WHRN: variants seen among roughly 807,000 people sequenced by gnomAD.
The protein encoded by WHRN is CASK-interacting protein CIP98.
WHRN carries 41 observed loss-of-function variants against 68.3 expected under a neutral mutation model. The observed-to-expected ratio is 0.60, with a 90% confidence interval of 0.47 to 0.78. The LOEUF is 0.78. Ranked by LOEUF, WHRN falls within the 30% of genes least tolerant of loss-of-function variation. The pLI is 0.00. For synonymous variants in WHRN, 560 were observed against 561.3 expected, an observed-to-expected ratio of 1.00 and a Z score of 0.03; for missense variants, 1,243 against 1,244.7, an observed-to-expected ratio of 1.00 and a Z score of 0.02.
At chr9:114,457,325 A>C (rs1839890360) in intron 3 of WHRN, among the ~76,000 whole-genome samples, 1 of 152,238 alleles carries the variant, frequency 6.6e-6, no homozygotes. Flanking sequence ...CATGCTGTAA[A>C]GTAAACAAAC....
At chr9:114,502,900 G>A (rs2133453024) in intron 1 of WHRN, among the ~76,000 whole-genome samples, 1 of 152,326 alleles carries the variant, frequency 6.6e-6, no homozygotes, top group Admixed American at 6.5e-5. Context: ...GATTGATAGA[G>A]GGGGAAGAGG....
intron 7 of WHRN, among the ~76,000 whole-genome samples, chr9:114,416,368 C>T (rs1835815344): frequency 6.6e-6 from 1 of 152,228 alleles, no homozygotes; most frequent in Admixed American, 6.5e-5. Context: ...AATGCTTTGG[C>T]TATGTATCCT....
chr9:114,466,194 C>A, intron 3 of WHRN, 73 bp downstream of exon 3: 1 of 1,605,590 alleles, frequency 6.2e-7, no homozygotes, highest in Admixed American at 1.7e-5. Context: ...GATTGCTCTG[C>A]TGGAGGTCTA....
At chr9:114,429,253 C>T (rs1297143624) in intron 3 of WHRN, among the ~76,000 whole-genome samples, 1 of 152,178 alleles carries the variant, frequency 6.6e-6, no homozygotes, top group Admixed American at 6.5e-5. Flanking sequence ...ATTTCATCAA[C>T]TTTTTGCTTT....
At chr9:114,428,268 G>A (rs771221401) in intron 3 of WHRN, among the ~76,000 whole-genome samples, 2 of 152,236 alleles carry the variant, frequency 1.3e-5, no homozygotes, top group African/African-American at 2.4e-5. Context: ...AGAGATTGCA[G>A]TGAGCCGACA....
chr9:114,444,072 G>C lies in WHRN; in HGVS notation c.964-17659C>G, dbSNP rs142147537. Among the ~76,000 whole-genome samples, 550 of 152,258 alleles carry C rather than the reference G, an allele frequency of 3.6e-3. 1 individual carries two copies. The highest frequency in any genetic ancestry group is 0.013 in the African/African-American group (527 of 41,534). ...ATCTCCCACTGGGTCCCTCCCACAGGACACAGGAATTATGGGAGTACAATT... is the reference window on the plus strand; with the variant it reads ...ATCTCCCACTGGGTCCCTCCCACAGCACACAGGAATTATGGGAGTACAATT... On this transcript the variant is annotated intron_variant, in intron 3 of 11. Transcript: ENST00000362057.
chr9:114,426,487 T>C (rs1836873167), intron 3 of WHRN, 74 bp from the exon 4 acceptor site: 1 of 1,544,326 alleles, frequency 6.5e-7, no homozygotes, highest in South Asian at 1.1e-5. Flanking sequence ...ACAGCCCAGA[T>C]CCCAATTCTC....
At chr9:114,416,949 A>G (rs1270568647) in intron 7 of WHRN, among the ~76,000 whole-genome samples, 1 of 152,240 alleles carries the variant, frequency 6.6e-6, no homozygotes, top group African/African-American at 2.4e-5. Flanking sequence ...CCCAGCTGGT[A>G]GGATCCCAGA....
intron 7 of WHRN, among the ~76,000 whole-genome samples, chr9:114,417,301 C>T (rs1479596419): frequency 6.6e-6 from 1 of 152,194 alleles, no homozygotes; most frequent in Admixed American, 6.5e-5. Flanking sequence ...AAACTGGCTC[C>T]ATTTGGGGCC....
chr9:114,495,073 G>A (rs916069986), intron 1 of WHRN, among the ~76,000 whole-genome samples: 2 of 152,186 alleles, frequency 1.3e-5, no homozygotes, highest in Non-Finnish European at 2.9e-5. Context: ...GAGAGTGAAA[G>A]CCTTGCTTCA....
intron 2 of WHRN, among the ~76,000 whole-genome samples, chr9:114,467,732 G>A (rs547751083): frequency 6.6e-6 from 1 of 152,264 alleles, no homozygotes; most frequent in South Asian, 2.1e-4. Context: ...CAGGTTAAGT[G>A]TGTCTCCGGT....
At chr9:114,410,524 G>A (rs1316349957) in intron 7 of WHRN, among the ~76,000 whole-genome samples, 4 of 152,154 alleles carry the variant, frequency 2.6e-5, no homozygotes, top group East Asian at 1.9e-4. Context: ...GCAGCAGGTG[G>A]GGACAGAAGG....
At position 114,402,211 on chromosome 9, in the gene WHRN, T is replaced by G; in HGVS notation, c.*543A>C. 1 of 167,962 alleles carries G rather than the reference T, an allele frequency of 6.0e-6. No individual in the cohort carries two copies. Among genetic ancestry groups the G allele is most frequent in the Non-Finnish European group, 1.3e-5 (1 of 76,174 alleles). 10.4% of individuals were successfully genotyped at this position (167,962 alleles called of 1,614,324 possible). ...GCAGAGGGAAGCTGGGGCCTTGGGG[T>G]CCCCAGGGGCATGGGGAGGGAAATA... On this transcript the variant is annotated 3_prime_UTR_variant, in exon 12 of 12. Transcript: ENST00000362057.
intron 3 of WHRN, among the ~76,000 whole-genome samples, chr9:114,426,860 CA>C (rs111507413): frequency 2.0e-5 from 3 of 152,228 alleles, no homozygotes; most frequent in African/African-American, 7.2e-5. Context: ...AAAATGTAAA[CA>C]AAACTTTAAT....
chr9:114,496,139 C>A (rs1843436829), intron 1 of WHRN, among the ~76,000 whole-genome samples: 1 of 152,156 alleles, frequency 6.6e-6, no homozygotes, highest in Admixed American at 6.5e-5. Flanking sequence ...CACCTCCTCT[C>A]CCTCCTCATC....
At chr9:114,491,105 A>C (rs940644555) in intron 1 of WHRN, among the ~76,000 whole-genome samples, 10 of 152,168 alleles carry the variant, frequency 6.6e-5, no homozygotes, top group African/African-American at 2.4e-4. Context: ...TCTGGGATCG[A>C]TGTCCGAAGC....
intron 3 of WHRN, among the ~76,000 whole-genome samples, chr9:114,457,914 C>G (rs1388786380): frequency 7.5e-4 from 93 of 123,414 alleles, no homozygotes; most frequent in African/African-American, 2.7e-3. Flanking sequence ...AGACTCTGTT[C>G]AAAAAAAAAA....
intron 3 of WHRN, among the ~76,000 whole-genome samples, chr9:114,464,813 CATA>C (rs897900901): frequency 0.1 from 12,548 of 120,960 alleles, 1,466 homozygotes; most frequent in African/African-American, 0.31. Flanking sequence ...TGATTATGTC[CATA>C]ATGATGATGA....
At chr9:114,410,435 G>T (rs568032490) in intron 7 of WHRN, among the ~76,000 whole-genome samples, 1 of 152,352 alleles carries the variant, frequency 6.6e-6, no homozygotes, top group South Asian at 2.1e-4. Flanking sequence ...CATTGGAGGA[G>T]GCCAGAGCAG....
Sources: allele counts gnomAD v4.1 joint callset (sites outside exome capture counted in the v4.1 genomes callset), GRCh38; gene constraint gnomAD v4.1.1; transcripts MANE v1.5; gene names NCBI Gene and HGNC (gene_info 2026-07-23, HGNC 2026-07-21).